The following CARMIL1 variants were observed in gnomAD, a reference collection of about 807,000 sequenced individuals.
CARMIL1 encodes the protein F-actin-uncapping protein LRRC16A.
A neutral mutation model predicts 177.1 loss-of-function variants in CARMIL1; 90 were observed. The ratio of observed to expected loss-of-function variants is 0.51; its 90% CI spans 0.43 to 0.61. The LOEUF is 0.61. CARMIL1 is among the 20% of genes least tolerant of loss of function. The pLI, the probability that CARMIL1 is intolerant of heterozygous loss-of-function variation, is 0.00. For synonymous variants in CARMIL1, 577 were observed against 606.2 expected (o/e 0.95, Z 0.71); for missense variants, 1,380 against 1,667.0 (o/e 0.83, Z 3.00).
intron 8 of CARMIL1, among the ~76,000 whole-genome samples, chr6:25,460,492 G>A (rs1800028873): frequency 6.6e-6 from 1 of 152,144 alleles, no homozygotes; most frequent in Non-Finnish European, 1.5e-5. Flanking sequence ...TGCCCAGAAA[G>A]TAATGAATTC....
intron 2 of CARMIL1, among the ~76,000 whole-genome samples, chr6:25,335,922 C>G (rs903584000): frequency 1.7e-4 from 26 of 150,556 alleles, no homozygotes; most frequent in African/African-American, 6.0e-4. Flanking sequence ...GTTAATCACT[C>G]CTGGTGGGAT....
At chr6:25,354,105 G>C (rs1788346962) in intron 2 of CARMIL1, among the ~76,000 whole-genome samples, 1 of 152,184 alleles carries the variant, frequency 6.6e-6, no homozygotes, top group South Asian at 2.1e-4. Context: ...CTCTGGACTA[G>C]AGGTAGCAAT....
intron 29 of CARMIL1, 49 bp downstream of exon 29, chr6:25,556,899 C>T (rs766301138): frequency 2.0e-6 from 3 of 1,464,966 alleles, no homozygotes; most frequent in Admixed American, 4.5e-5. Flanking sequence ...CTGGACTGTG[C>T]CATTGTTTTT....
intron 2 of CARMIL1, among the ~76,000 whole-genome samples, chr6:25,323,450 C>T (rs1185498031): frequency 6.7e-6 from 1 of 148,764 alleles, no homozygotes; most frequent in Non-Finnish European, 1.5e-5. Flanking sequence ...AGGCAAAAAA[C>T]CCCCCAGAAT....
rs114189679 is a variant in CARMIL1, at chr6:25,328,878, C to T, written c.138+43969C>T. On this transcript the variant is annotated intron_variant, in intron 2 of 36. Transcript: ENST00000329474. ...TCCTGGATTGGTGAGCTAGACAAAA[C>T]TTCATGTTAATTAACATGGATGCTT... Among the ~76,000 whole-genome samples the T allele has an allele frequency of 6.3e-3, 959 of 152,270 alleles. 13 individuals are homozygous for T. Among genetic ancestry groups the T allele is most frequent in the African/African-American group, 0.02 (829 of 41,556 alleles).
chr6:25,317,822 C>T (rs1371573513), intron 2 of CARMIL1, among the ~76,000 whole-genome samples: 1 of 152,106 alleles, frequency 6.6e-6, no homozygotes, highest in Admixed American at 6.6e-5. Context: ...GCATTATCCT[C>T]CCAAAGTGCT....
intron 2 of CARMIL1, among the ~76,000 whole-genome samples, chr6:25,323,415 C>G (rs1352333865): frequency 9.9e-6 from 1 of 101,236 alleles, no homozygotes; most frequent in African/African-American, 4.7e-5. Flanking sequence ...GAGACCCTGT[C>G]TCTACAAAAA....
chr6:25,318,687 A>G (rs1784453250), intron 2 of CARMIL1, among the ~76,000 whole-genome samples: 1 of 152,116 alleles, frequency 6.6e-6, no homozygotes, highest in Admixed American at 6.5e-5. Context: ...CTCCAGACCC[A>G]TCAGCCACCC....
At chr6:25,367,207 G>C (rs1173666846) in intron 2 of CARMIL1, among the ~76,000 whole-genome samples, 6 of 152,122 alleles carry the variant, frequency 3.9e-5, no homozygotes, top group Non-Finnish European at 7.3e-5. Context: ...GGTGGAAGGG[G>C]GATCTGTGAT....
chr6:25,596,393 A>C (rs1814852004), intron 32 of CARMIL1, among the ~76,000 whole-genome samples: 1 of 152,166 alleles, frequency 6.6e-6, no homozygotes, highest in Admixed American at 6.5e-5. Context: ...GAAAGTTTGA[A>C]AATCAAAGTT....
At chr6:25,542,634 G>A (rs1469035823) in intron 26 of CARMIL1, among the ~76,000 whole-genome samples, 1 of 151,970 alleles carries the variant, frequency 6.6e-6, no homozygotes, top group African/African-American at 2.4e-5. Context: ...CTTTGGGGAT[G>A]TCTGGAATGA....
At chr6:25,450,839 C>G in intron 8 of CARMIL1, 128 bp downstream of exon 8, 1 of 462,036 alleles carries the variant, frequency 2.2e-6, no homozygotes, top group Non-Finnish European at 3.9e-6. Flanking sequence ...CCTTCCCTCC[C>G]CTCCCCTTCC....
At chr6:25,496,820 A>C (rs1241269378) in intron 16 of CARMIL1, among the ~76,000 whole-genome samples, 4 of 152,186 alleles carry the variant, frequency 2.6e-5, no homozygotes, top group Non-Finnish European at 5.9e-5. Context: ...TATTCAAAAT[A>C]GTTTTCTATT....
rs59911299 is a variant in CARMIL1, at chr6:25,619,733, C to CTTTTTTTTTTTTTTTT, written c.*163_*178dup. On this transcript the variant is annotated 3_prime_UTR_variant, in exon 37 of 37. Coordinates refer to ENST00000329474, the MANE Select transcript of CARMIL1 (RefSeq NM_017640.6). The stretch of plus-strand genomic sequence containing the variant: ...TTTCGCCCCCACCCCCATCCCCTGC[C>CTTTTTTTTTTTTTTTT]TTTTTTTTTTTTTTTTTTTTTTTTT... 1 of 91,402 alleles carries CTTTTTTTTTTTTTTTT rather than the reference C, an allele frequency of 1.1e-5. No individual in the cohort carries two copies. Among genetic ancestry groups the CTTTTTTTTTTTTTTTT allele is most frequent in the East Asian group, 3.4e-4 (1 of 2,968 alleles). The allele number at this position is 91,402 out of a possible 1,614,324, so 5.7% of individuals were successfully genotyped here.
chr6:25,604,865 C>T lies in CARMIL1; in HGVS notation c.3606C>T (p.Gly1202=), dbSNP rs764642099. The part of the protein sequence containing the change: ...SQDSSSPALS[G]VERSDGGGAV... ...ATTCTTCCAGCCCAGCTTTGAGCGGCGTAGAACGGTCGGATGGAGGTGGGG... is the reference window on the plus strand; with the variant it reads ...ATTCTTCCAGCCCAGCTTTGAGCGGTGTAGAACGGTCGGATGGAGGTGGGG... Residue 1202 remains glycine (G), a synonymous_variant, in exon 34 of 37, where the codon GGC becomes GGT. Coordinates refer to ENST00000329474, the MANE Select transcript of CARMIL1 (RefSeq NM_017640.6). 8.8e-6 allele frequency: 14 copies of T among 1,596,628 alleles called. No individual in the cohort carries two copies. The highest frequency in any genetic ancestry group is 8.0e-5 in the South Asian group (7 of 87,516).
intron 8 of CARMIL1, among the ~76,000 whole-genome samples, chr6:25,459,245 T>C (rs189646267): frequency 9.8e-5 from 11 of 112,494 alleles, no homozygotes; most frequent in East Asian, 5.7e-4. Flanking sequence ...TTTCTTTCTT[T>C]CTTTCTTTCT....
At chr6:25,356,082 GCT>G (rs1788578450) in intron 2 of CARMIL1, among the ~76,000 whole-genome samples, 1 of 137,968 alleles carries the variant, frequency 7.2e-6, no homozygotes, top group Non-Finnish European at 1.5e-5. Context: ...ACGGAGTTTC[GCT>G]CTGTCGCCCA....
At chr6:25,313,854 C>T (rs1784046920) in intron 2 of CARMIL1, among the ~76,000 whole-genome samples, 1 of 151,398 alleles carries the variant, frequency 6.6e-6, no homozygotes, top group Non-Finnish European at 1.5e-5. Context: ...TCAGAGTGGG[C>T]ATGAGAAACC....
At chr6:25,550,502 A>T (rs1203528636) in intron 26 of CARMIL1, among the ~76,000 whole-genome samples, 4 of 152,206 alleles carry the variant, frequency 2.6e-5, no homozygotes, top group African/African-American at 4.8e-5. Context: ...AGAAGCATTC[A>T]AATATGATAT....
Sources: gnomAD v4.1 joint callset for allele counts (sites outside exome capture counted in the v4.1 genomes callset) on GRCh38, gnomAD v4.1.1 for gene constraint, MANE v1.5 for transcripts, NCBI Gene and HGNC (gene_info 2026-07-23, HGNC 2026-07-21) for gene names.